IMMP2L: variants seen among roughly 807,000 people sequenced by gnomAD.
IMMP2L encodes the protein mitochondrial inner membrane protease subunit 2.
Under a neutral mutation model 19.3 loss-of-function variants are expected in IMMP2L, and 18 were observed. That is an observed-to-expected ratio of 0.93 (90% CI 0.64 to 1.38). The LOEUF (loss-of-function observed/expected upper bound fraction) is 1.38, where lower values mean the gene tolerates loss of function less well. Ranked by LOEUF, IMMP2L falls within the 40% of genes most tolerant of loss-of-function variation. The probability of loss-of-function intolerance (pLI) is 0.00; values close to 1 mark genes in which losing one functional copy is unlikely to be tolerated. For synonymous variants in IMMP2L, 76 were observed against 73.0 expected (o/e 1.04, Z -0.21); for missense variants, 233 against 218.2 (o/e 1.07, Z -0.43).
chr7:111,487,481 T>A, intron 2 of IMMP2L, 140 bp from the exon 3 acceptor site: 1 of 515,920 alleles, frequency 1.9e-6, no homozygotes, highest in East Asian at 2.9e-5. Flanking sequence ...CTAAAGTAAC[T>A]GCAAATGATG....
At chr7:111,155,956 A>G (rs2129604479) in intron 3 of IMMP2L, among the ~76,000 whole-genome samples, 1 of 152,240 alleles carries the variant, frequency 6.6e-6, no homozygotes, top group South Asian at 2.1e-4. Context: ...AGATGAAAAT[A>G]TATAATACAT....
chr7:111,184,488 T>G (rs1808054826), intron 3 of IMMP2L, among the ~76,000 whole-genome samples: 1 of 152,102 alleles, frequency 6.6e-6, no homozygotes, highest in African/African-American at 2.4e-5. Flanking sequence ...ATTTTCTCTC[T>G]CAAGCATTGA....
At chr7:111,216,448 G>A (rs1021799229) in intron 3 of IMMP2L, among the ~76,000 whole-genome samples, 1 of 152,136 alleles carries the variant, frequency 6.6e-6, no homozygotes, top group African/African-American at 2.4e-5. Flanking sequence ...CGTACAAAGT[G>A]ATGTTATGAT....
chr7:110,883,202 C>T lies in IMMP2L; in HGVS notation c.408+3391G>A, dbSNP rs1033906755. ...CTTTACTTTTCACTGGTTTTTAAAA[C>T]GTGAAAAATTTTTTGTACTTCATAA... On this transcript the variant is annotated intron_variant, in intron 5 of 5. Transcript: ENST00000405709. Among the ~76,000 whole-genome samples the T allele has an allele frequency of 7.2e-5, 11 of 152,008 alleles. No individual in the cohort carries two copies. The East Asian group carries it at 7.7e-4, about 11-fold the overall frequency.
At position 111,143,932 on chromosome 7, in the gene IMMP2L, T is replaced by C. The variant is rs77595745; in HGVS notation, c.240-180367A>G. Among the ~76,000 whole-genome samples the C allele has an allele frequency of 2.3e-3, 353 of 152,270 alleles. 3 individuals are homozygous for C. The East Asian group carries it at 0.04, about 17-fold the overall frequency. On this transcript the variant is annotated intron_variant, in intron 3 of 5. Transcript: ENST00000405709. ...AAGCTTTAAAATGGTTAGTTTTCTA[T>C]TTCCCTTATTCATTCATTACCCTAC...
At chr7:110,812,807 T>C (rs1029414010) in intron 5 of IMMP2L, among the ~76,000 whole-genome samples, 1 of 152,040 alleles carries the variant, frequency 6.6e-6, no homozygotes, top group African/African-American at 2.4e-5. Context: ...CTCATTTCGT[T>C]TTTCATTTAT....
At position 111,075,969 on chromosome 7, in the gene IMMP2L, T is replaced by C. The variant is rs141420990; in HGVS notation, c.240-112404A>G. Among the ~76,000 whole-genome samples, 528 of 152,354 alleles carry C rather than the reference T, an allele frequency of 3.5e-3. 3 individuals are homozygous for C. Among genetic ancestry groups the C allele is most frequent in the African/African-American group, 0.012 (512 of 41,590 alleles). ...TCACCTCTCCCTTCCACTTGCCAGC[T>C]ACCAGAAAATCAAATGAACTAAATT... On this transcript the variant is annotated intron_variant, in intron 3 of 5. Transcript: ENST00000405709.
rs189705408 is a variant in IMMP2L at position 111,386,893 on chromosome 7, C to G, written c.239+100345G>C. ...AAAGAAAATTAGGCATAAAATAACC[C>G]CACAAAAAGAAGAGAATGACTGTTT... On this transcript the variant is annotated intron_variant, in intron 3 of 5. Coordinates refer to ENST00000405709, the MANE Select transcript of IMMP2L (RefSeq NM_032549.4). Among the ~76,000 whole-genome samples the G allele has an allele frequency of 3.4e-3, 523 of 152,010 alleles. 7 individuals are homozygous for G. The highest frequency in any genetic ancestry group is 0.012 in the African/African-American group (505 of 41,456).
Position 110,985,614 on chromosome 7 carries a change from G to A in IMMP2L, c.240-22049C>T, listed in dbSNP as rs531451469. 2.0e-5 allele frequency among the ~76,000 whole-genome samples: 3 copies of A among 152,186 alleles called. No individual in the cohort carries two copies. The East Asian group carries it at 5.8e-4, about 29-fold the overall frequency. On this transcript the variant is annotated intron_variant, in intron 3 of 5. Coordinates refer to ENST00000405709, the MANE Select transcript of IMMP2L (RefSeq NM_032549.4). Reference sequence around the variant, plus strand: ...AGTTTAAAACTACTTTTAAAAGTGTGTGAATGTTTTAATTTTTATAGAAAT... The same window carrying A: ...AGTTTAAAACTACTTTTAAAAGTGTATGAATGTTTTAATTTTTATAGAAAT...
intron 3 of IMMP2L, among the ~76,000 whole-genome samples, chr7:111,384,235 G>GAGGAGAAAGGAGAGAGGAGAA (rs1214212052): frequency 1.1e-4 from 16 of 141,956 alleles, no homozygotes; most frequent in South Asian, 4.3e-4. Context: ...AGAAAGGAGA[G>GAGGAGAAAGGAGAGAGGAGAA]AGGAGAAAGG....
At chr7:110,841,053 T>C (rs1349522316) in intron 5 of IMMP2L, among the ~76,000 whole-genome samples, 2 of 152,042 alleles carry the variant, frequency 1.3e-5, no homozygotes, top group Admixed American at 6.6e-5. Context: ...GGCCATTCAA[T>C]AAACTTGAAA....
chr7:111,488,768 G>T (rs951741336), intron 2 of IMMP2L, among the ~76,000 whole-genome samples: 5 of 152,046 alleles, frequency 3.3e-5, no homozygotes, highest in African/African-American at 1.2e-4. Context: ...AGTTATTTAA[G>T]GAACCTCGAT....
At chr7:111,467,690 A>C (rs1840811626) in intron 3 of IMMP2L, among the ~76,000 whole-genome samples, 2 of 152,170 alleles carry the variant, frequency 1.3e-5, no homozygotes, top group Non-Finnish European at 2.9e-5. Flanking sequence ...ATATGCAAAA[A>C]TATTCTAGTT....
chr7:110,678,763 C>T (rs1265783824), intron 5 of IMMP2L, among the ~76,000 whole-genome samples: 1 of 152,114 alleles, frequency 6.6e-6, no homozygotes, highest in African/African-American at 2.4e-5. Context: ...CTCCTAAGGG[C>T]AGATCTTCAC....
At chr7:111,121,418 T>TG (rs1188022801) in intron 3 of IMMP2L, among the ~76,000 whole-genome samples, 4 of 152,178 alleles carry the variant, frequency 2.6e-5, no homozygotes. Context: ...GTTTTAGACA[T>TG]GGATATGAAC....
intron 1 of IMMP2L, among the ~76,000 whole-genome samples, chr7:111,529,619 AAAG>A (rs1486195770): frequency 6.6e-6 from 1 of 152,176 alleles, no homozygotes; most frequent in Non-Finnish European, 1.5e-5. Flanking sequence ...CAAAAATAAT[AAAG>A]GAGGAGAAAT....
At chr7:111,446,179 G>C (rs1838382603) in intron 3 of IMMP2L, among the ~76,000 whole-genome samples, 1 of 152,182 alleles carries the variant, frequency 6.6e-6, no homozygotes, top group Non-Finnish European at 1.5e-5. Context: ...AAGCAGCCTG[G>C]AAGCTCAAAC....
chr7:111,179,532 C>T (rs1413923650), intron 3 of IMMP2L, among the ~76,000 whole-genome samples: 4 of 151,950 alleles, frequency 2.6e-5, no homozygotes, highest in Admixed American at 2.6e-4. Context: ...CTCTGTTGTT[C>T]CCTTTACAGA....
In IMMP2L at chr7:111,477,447, T is replaced by G. The variant is rs545845002; in HGVS notation, c.239+9791A>C. ...TGAAAAAGAATGCATTTCTCTTTCATTTTTTAAGAATATTTCCAACAGGTA... is the reference window on the plus strand; with the variant it reads ...TGAAAAAGAATGCATTTCTCTTTCAGTTTTTAAGAATATTTCCAACAGGTA... On this transcript the variant is annotated intron_variant, in intron 3 of 5. Transcript: ENST00000405709. 6.5e-4 allele frequency among the ~76,000 whole-genome samples: 99 copies of G among 152,284 alleles called. 1 individual carries two copies. The highest frequency in any genetic ancestry group is 2.2e-3 in the African/African-American group (93 of 41,550).
Sources: gnomAD v4.1 joint callset for allele counts (sites outside exome capture counted in the v4.1 genomes callset) on GRCh38, gnomAD v4.1.1 for gene constraint, MANE v1.5 for transcripts, NCBI Gene and HGNC (gene_info 2026-07-23, HGNC 2026-07-21) for gene names.